SRC: variants seen among roughly 807,000 people sequenced by gnomAD.
SRC encodes SRC proto-oncogene, non-receptor tyrosine kinase.
A neutral mutation model predicts 62.9 loss-of-function variants in SRC; 13 were observed. That is an observed-to-expected ratio of 0.21 (90% CI 0.13 to 0.33). The LOEUF (loss-of-function observed/expected upper bound fraction) is 0.33. Ranked by LOEUF, SRC falls within the 10% of genes least tolerant of loss-of-function variation. The pLI, the probability that SRC is intolerant of heterozygous loss-of-function variation, is 1.00. For missense variants in SRC, 457 were observed against 737.3 expected, an observed-to-expected ratio of 0.62 and a Z score of 4.40; for synonymous variants, 302 against 317.5, an observed-to-expected ratio of 0.95 and a Z score of 0.52.
intron 2 of SRC, among the ~76,000 whole-genome samples, chr20:37,365,887 A>T (rs2070056126): frequency 6.9e-6 from 1 of 145,540 alleles, no homozygotes; most frequent in African/African-American, 2.5e-5. Flanking sequence ...CCTGGCCAGA[A>T]TTTTTTTTTT....
chr20:37,348,370 G>A (rs2069752547), intron 1 of SRC, among the ~76,000 whole-genome samples: 1 of 152,124 alleles, frequency 6.6e-6, no homozygotes, highest in South Asian at 2.1e-4. Flanking sequence ...CCTGTTGAGG[G>A]ACCTTCTGCC....
chr20:37,355,558 T>C (rs1256678989), intron 1 of SRC, among the ~76,000 whole-genome samples: 3 of 152,166 alleles, frequency 2.0e-5, no homozygotes, highest in Non-Finnish European at 4.4e-5. Context: ...GGCCTTGTGA[T>C]GGGTGCTGGG....
chr20:37,361,343 A>G (rs551824122), intron 1 of SRC, among the ~76,000 whole-genome samples: 1 of 152,022 alleles, frequency 6.6e-6, no homozygotes, highest in South Asian at 2.1e-4. Flanking sequence ...TCCCTCTGAT[A>G]CCTGCCAGAG....
intron 5 of SRC, among the ~76,000 whole-genome samples, chr20:37,387,100 G>A (rs1224820274): frequency 6.6e-6 from 1 of 152,370 alleles, no homozygotes; most frequent in African/African-American, 2.4e-5. Context: ...GGTTCTAGAA[G>A]GCAGAGGAGA....
chr20:37,368,518 CTTTTTTTTTT>C (rs1352624429), intron 2 of SRC, among the ~76,000 whole-genome samples: 183 of 73,920 alleles, frequency 2.5e-3, no homozygotes, highest in East Asian at 8.0e-3. Flanking sequence ...CCTATATTTT[CTTTTTTTTTT>C]TTTTTTTTTT....
In SRC at chr20:37,395,292, G is replaced by C. The variant is rs550454192; in HGVS notation, c.554-870G>C. Among the ~76,000 whole-genome samples the C allele has an allele frequency of 5.1e-3, 773 of 152,332 alleles. 6 individuals are homozygous for C. Among genetic ancestry groups the C allele is most frequent in the Non-Finnish European group, 7.4e-3 (502 of 68,022 alleles). The stretch of plus-strand genomic sequence containing the variant: ...ATTGTAATCTCCTGAAGATCGCAGA[G>C]GGGGAGGTCTGTGGGCTAGGATGGC... On this transcript the variant is annotated intron_variant, in intron 7 of 13. Coordinates refer to ENST00000373578, the MANE Select transcript of SRC (RefSeq NM_198291.3).
intron 2 of SRC, among the ~76,000 whole-genome samples, chr20:37,370,930 C>T (rs1474654316): frequency 1.3e-5 from 2 of 151,532 alleles, no homozygotes; most frequent in African/African-American, 4.8e-5. Flanking sequence ...AATTCCATCT[C>T]TTTACTTGCT....
intron 2 of SRC, among the ~76,000 whole-genome samples, chr20:37,372,945 T>A (rs2070189952): frequency 6.6e-6 from 1 of 152,140 alleles, no homozygotes; most frequent in South Asian, 2.1e-4. Flanking sequence ...GGTTTCTAGG[T>A]CTTATGTCAT....
intron 1 of SRC, among the ~76,000 whole-genome samples, chr20:37,363,615 C>G (rs1054174856): frequency 6.6e-6 from 1 of 152,164 alleles, no homozygotes; most frequent in Non-Finnish European, 1.5e-5. Flanking sequence ...TGGAGGGGAG[C>G]GTGAACCCCG....
At chr20:37,391,614 G>A (rs943534956) in intron 5 of SRC, among the ~76,000 whole-genome samples, 2 of 152,150 alleles carry the variant, frequency 1.3e-5, no homozygotes, top group Non-Finnish European at 2.9e-5. Context: ...AGCACTTTGG[G>A]AGGCCGAGGT....
At chr20:37,370,903 G>T (rs879295569) in intron 2 of SRC, among the ~76,000 whole-genome samples, 5 of 152,028 alleles carry the variant, frequency 3.3e-5, no homozygotes, top group Non-Finnish European at 7.4e-5. Flanking sequence ...GCTTCTGTGA[G>T]AAGATTTAAA....
At chr20:37,395,936 TG>T (rs1387693963) in intron 7 of SRC, among the ~76,000 whole-genome samples, 3 of 152,222 alleles carry the variant, frequency 2.0e-5, no homozygotes. Context: ...GAGGTCTTGC[TG>T]GGGCCAAGGG....
chr20:37,363,184 T>A (rs566850512), intron 1 of SRC, among the ~76,000 whole-genome samples: 3 of 152,236 alleles, frequency 2.0e-5, no homozygotes, highest in African/African-American at 7.2e-5. Context: ...CACTGTTCTC[T>A]GACCGCCGGC....
At position 37,396,338 on chromosome 20, in the gene SRC, C is replaced by CGGA; in HGVS notation, c.703+29_703+30insAGG. On this transcript the variant is annotated intron_variant, in intron 8 of 13. Coordinates refer to ENST00000373578, the MANE Select transcript of SRC (RefSeq NM_198291.3). The surrounding 1 kb of genome is among the most constrained non-coding windows in gnomAD (Gnocchi z 6.1). ...TGAGCCAGCCTCGGAGGGCGGAGGG[C>CGGA]GGGCGGGCAAAGCCTCAGCTGCAGA... 1 of 1,603,866 alleles carries CGGA rather than the reference C, an allele frequency of 6.2e-7. No individual in the cohort carries two copies. Among genetic ancestry groups the CGGA allele is most frequent in the Non-Finnish European group, 8.5e-7 (1 of 1,175,574 alleles).
At chr20:37,346,639 C>T (rs2069725850) in intron 1 of SRC, among the ~76,000 whole-genome samples, 1 of 147,714 alleles carries the variant, frequency 6.8e-6, no homozygotes, top group Non-Finnish European at 1.5e-5. Context: ...TCTGCCTGGG[C>T]TGCCCGGCCC....
chr20:37,368,518 CTTTTTTTTTTTTTTT>C (rs1352624429), intron 2 of SRC, among the ~76,000 whole-genome samples: 55 of 73,922 alleles, frequency 7.4e-4, no homozygotes, highest in South Asian at 4.1e-3. Flanking sequence ...CCTATATTTT[CTTTTTTTTTTTTTTT>C]TTTTTTTTTT....
At chr20:37,370,177 T>G (rs1371905642) in intron 2 of SRC, among the ~76,000 whole-genome samples, 1 of 152,250 alleles carries the variant, frequency 6.6e-6, no homozygotes, top group Non-Finnish European at 1.5e-5. Flanking sequence ...GAAGGAGTGT[T>G]GAATTTTGTC....
chr20:37,358,783 G>A (rs1297357136), intron 1 of SRC, among the ~76,000 whole-genome samples: 1 of 152,228 alleles, frequency 6.6e-6, no homozygotes, highest in Non-Finnish European at 1.5e-5. Context: ...GCCCTTTCTG[G>A]GCTGCAGGCC....
rs774311757 is a variant in SRC, at chr20:37,394,313, C to A, written c.553+36C>A. 3 of 1,577,798 alleles carry A rather than the reference C, an allele frequency of 1.9e-6. No individual in the cohort carries two copies. In the Admixed American group the frequency reaches 5.0e-5, roughly 26 times the overall value. ...TCTTGCTGGCCAACGGATACTGAGT[C>A]TTCTGTGAGTGGTTTGAGCTGGGTG... is the stretch of plus-strand genomic sequence containing the variant. On this transcript the variant is annotated intron_variant, in intron 7 of 13. Coordinates refer to ENST00000373578, the MANE Select transcript of SRC (RefSeq NM_198291.3).
Sources: gnomAD v4.1 joint callset for allele counts (sites outside exome capture counted in the v4.1 genomes callset) on GRCh38, gnomAD v4.1.1 for gene constraint, Gnocchi (gnomAD v3.1) non-coding constraint, MANE v1.5 for transcripts, NCBI Gene and HGNC (gene_info 2026-07-23, HGNC 2026-07-21) for gene names.